EIF2AK3: variants seen among roughly 807,000 people sequenced by gnomAD.
EIF2AK3 encodes eukaryotic translation initiation factor 2-alpha kinase 3.
In EIF2AK3, 50 loss-of-function variants were observed where a neutral mutation model predicts 113.5. The ratio of observed to expected loss-of-function variants is 0.44; its 90% CI spans 0.35 to 0.56. The LOEUF (loss-of-function observed/expected upper bound fraction) is 0.56, where lower values mean the gene tolerates loss of function less well. Ranked by LOEUF, EIF2AK3 falls within the 20% of genes least tolerant of loss-of-function variation. The pLI is 0.00. For missense variants in EIF2AK3, 1,185 were observed against 1,378.0 expected (o/e 0.86, Z 2.22); for synonymous variants, 448 against 495.4 (o/e 0.90, Z 1.27).
chr2:88,572,966 G>C (rs1183425241), intron 13 of EIF2AK3, among the ~76,000 whole-genome samples: 1 of 152,196 alleles, frequency 6.6e-6, no homozygotes, highest in Admixed American at 6.5e-5. Context: ...AGTCTGAAGA[G>C]GCAGGAGCCA....
At chr2:88,595,418 T>C (rs1299852400) in intron 3 of EIF2AK3, 51 bp downstream of exon 3, 4 of 1,549,676 alleles carry the variant, frequency 2.6e-6, no homozygotes, top group Non-Finnish European at 1.8e-6. Context: ...TTACTTTTTC[T>C]ACCCTAATTT....
At chr2:88,566,468 TTGTA>T (rs1376029006) in intron 14 of EIF2AK3, among the ~76,000 whole-genome samples, 2 of 152,132 alleles carry the variant, frequency 1.3e-5, no homozygotes, top group African/African-American at 4.8e-5. Context: ...TCTTAATACT[TTGTA>T]TGAGTATTTT....
intron 14 of EIF2AK3, 42 bp downstream of exon 14, chr2:88,570,832 C>T: frequency 3.7e-6 from 6 of 1,608,422 alleles, no homozygotes; most frequent in Non-Finnish European, 4.3e-6. Context: ...TCATCAGGTA[C>T]ATCTGCTGCT....
intron 1 of EIF2AK3, among the ~76,000 whole-genome samples, chr2:88,617,843 T>C (rs371568037): frequency 1.3e-5 from 2 of 152,084 alleles, no homozygotes; most frequent in African/African-American, 4.8e-5. Flanking sequence ...ATGTACTTCC[T>C]GTATCTGAAA....
At chr2:88,600,404 C>T (rs1675122704) in intron 2 of EIF2AK3, among the ~76,000 whole-genome samples, 1 of 152,218 alleles carries the variant, frequency 6.6e-6, no homozygotes, top group Non-Finnish European at 1.5e-5. Flanking sequence ...TGCATTTTCA[C>T]ATCCCACTGA....
chr2:88,576,852 A>G, intron 11 of EIF2AK3, 149 bp from the exon 12 acceptor site: 1 of 871,798 alleles, frequency 1.1e-6, no homozygotes, highest in Non-Finnish European at 1.7e-6. Context: ...AGCCTGAAAA[A>G]GAGAGAAAGT....
chr2:88,612,420 T>A (rs2104467737), intron 2 of EIF2AK3, among the ~76,000 whole-genome samples: 1 of 152,350 alleles, frequency 6.6e-6, no homozygotes, highest in South Asian at 2.1e-4. Flanking sequence ...TAAGTAGTAA[T>A]TCACTTGAAT....
chr2:88,562,471 TTTAC>T (rs1270354577), intron 14 of EIF2AK3, 81 bp from the exon 15 acceptor site: 3 of 1,155,106 alleles, frequency 2.6e-6, no homozygotes, highest in Non-Finnish European at 3.9e-6. Flanking sequence ...AATCCCAAAG[TTTAC>T]TTAGTCACTT....
At chr2:88,595,206 C>CAAAAAA (rs11339424) in intron 3 of EIF2AK3, among the ~76,000 whole-genome samples, 1 of 59,452 alleles carries the variant, frequency 1.7e-5, no homozygotes. Flanking sequence ...GACTCTGTCT[C>CAAAAAA]AAAAAAAAAA....
intron 1 of EIF2AK3, among the ~76,000 whole-genome samples, chr2:88,621,117 T>C (rs376868608): frequency 2.0e-5 from 3 of 152,244 alleles, no homozygotes; most frequent in East Asian, 1.9e-4. Context: ...ACTACTATAT[T>C]ACTAAAACGT....
rs527493644 is a variant in EIF2AK3 at position 88,619,140 on chromosome 2, C to G, written c.309-5287G>C. Among the ~76,000 whole-genome samples the G allele has an allele frequency of 9.2e-5, 14 of 152,194 alleles. No individual in the cohort carries two copies. The South Asian group carries it at 2.7e-3, about 29-fold the overall frequency. On this transcript the variant is annotated intron_variant, in intron 1 of 16. Coordinates refer to ENST00000303236, the MANE Select transcript of EIF2AK3 (RefSeq NM_004836.7). ...AAGTAGCTGGGATTACAGGTGCCCACCACCATGCCCAGCTAATTTTTGTAT... is the reference window on the plus strand; with the variant it reads ...AAGTAGCTGGGATTACAGGTGCCCAGCACCATGCCCAGCTAATTTTTGTAT...
chr2:88,596,788 A>C (rs774743344), intron 2 of EIF2AK3, among the ~76,000 whole-genome samples: 17 of 152,202 alleles, frequency 1.1e-4, no homozygotes, highest in Non-Finnish European at 1.8e-4. Context: ...GATATAATTG[A>C]AAGGTAAAGC....
intron 13 of EIF2AK3, 73 bp downstream of exon 13, chr2:88,574,593 G>C (rs1674402848): frequency 5.8e-6 from 9 of 1,548,006 alleles, no homozygotes; most frequent in Non-Finnish European, 7.9e-6. Context: ...ATCCTTCAGA[G>C]TACTGCAAGT....
rs373830656 is a variant in EIF2AK3, at chr2:88,590,025, G to A, written c.1165+418C>T. ...GGCCGAGGTGGGTGGATCACCTGAG[G>A]TCAGGTGCACTATATTCTGGCCAAT... On this transcript the variant is annotated intron_variant, in intron 6 of 16. Coordinates refer to ENST00000303236, the MANE Select transcript of EIF2AK3 (RefSeq NM_004836.7). 2.7e-4 allele frequency among the ~76,000 whole-genome samples: 41 copies of A among 152,170 alleles called. No individual in the cohort carries two copies. The South Asian group carries it at 7.5e-3, about 28-fold the overall frequency.
chr2:88,584,527 G>GAAAAA (rs66817563), intron 9 of EIF2AK3, among the ~76,000 whole-genome samples: 2,465 of 73,246 alleles, frequency 0.034, 161 homozygotes, highest in African/African-American at 0.1. Flanking sequence ...CCCTGTCTCT[G>GAAAAA]AAAAAAAAAA....
At chr2:88,559,709 A>G (rs1673890747) in intron 15 of EIF2AK3, among the ~76,000 whole-genome samples, 1 of 152,196 alleles carries the variant, frequency 6.6e-6, no homozygotes, top group Non-Finnish European at 1.5e-5. Context: ...ACTGAATGAT[A>G]TAAAAGTGGA....
chr2:88,579,185 G>A (rs1674536368), intron 11 of EIF2AK3, among the ~76,000 whole-genome samples: 1 of 152,116 alleles, frequency 6.6e-6, no homozygotes, highest in South Asian at 2.1e-4. Context: ...TAATTCAAAT[G>A]TTTTTGTTCT....
intron 11 of EIF2AK3, 67 bp from the exon 12 acceptor site, chr2:88,576,770 T>A: frequency 1.9e-6 from 3 of 1,552,042 alleles, no homozygotes; most frequent in Non-Finnish European, 2.6e-6. Flanking sequence ...TTACAAATTA[T>A]ATGACTTATA....
chr2:88,604,532 C>T (rs1287568066), intron 2 of EIF2AK3, among the ~76,000 whole-genome samples: 1 of 152,154 alleles, frequency 6.6e-6, no homozygotes, highest in Non-Finnish European at 1.5e-5. Context: ...TGCCAGTTAC[C>T]ACACTCAATT....
Sources: allele counts gnomAD v4.1 joint callset (sites outside exome capture counted in the v4.1 genomes callset), GRCh38; gene constraint gnomAD v4.1.1; transcripts MANE v1.5; gene names NCBI Gene and HGNC (gene_info 2026-07-23, HGNC 2026-07-21).